Variants in PROS1 observed in about 807,000 individuals in gnomAD.
PROS1 encodes the protein protein S, also known as vitamin K-dependent protein S.
In PROS1, 29 loss-of-function variants were observed where a neutral mutation model predicts 75.9. That is an observed-to-expected ratio of 0.38 (90% confidence interval 0.28 to 0.52). The LOEUF is 0.52. Ranked by LOEUF, PROS1 falls within the 20% of genes least tolerant of loss-of-function variation. PROS1 has a pLI of 0.83. For missense variants in PROS1, 680 were observed against 810.3 expected, an observed-to-expected ratio of 0.84 and a Z score of 1.95; for synonymous variants, 245 against 280.6, an observed-to-expected ratio of 0.87 and a Z score of 1.27.
chr3:93,902,775 A>G (rs1708616326), intron 6 of PROS1, among the ~76,000 whole-genome samples: 1 of 151,912 alleles, frequency 6.6e-6, no homozygotes, highest in Admixed American at 6.6e-5. Flanking sequence ...GAAGAAGAAG[A>G]AAAGAAAAGT....
chr3:93,937,688 G>A (rs929123376), intron 1 of PROS1, among the ~76,000 whole-genome samples: 2 of 152,132 alleles, frequency 1.3e-5, no homozygotes, highest in African/African-American at 4.8e-5. Flanking sequence ...TTAACCACTA[G>A]GTTTAGGCCA....
intron 13 of PROS1, among the ~76,000 whole-genome samples, chr3:93,877,408 C>T (rs915079932): frequency 2.6e-5 from 4 of 152,050 alleles, no homozygotes; most frequent in Non-Finnish European, 4.4e-5. Context: ...TTTACAAACT[C>T]AAAGTTTAGC....
intron 3 of PROS1, among the ~76,000 whole-genome samples, chr3:93,914,625 C>T (rs767521951): frequency 3.9e-5 from 6 of 152,114 alleles, no homozygotes; most frequent in Admixed American, 2.0e-4. Context: ...TGAGGTCTTT[C>T]GCCCATTGTT....
intron 3 of PROS1, among the ~76,000 whole-genome samples, chr3:93,915,271 G>A (rs1708827184): frequency 1.3e-5 from 2 of 152,136 alleles, no homozygotes; most frequent in Non-Finnish European, 2.9e-5. Context: ...GTTTGAGGCT[G>A]CCTGGCAAAC....
chr3:93,953,347 C>T (rs1374495151), intron 1 of PROS1, among the ~76,000 whole-genome samples: 5 of 152,102 alleles, frequency 3.3e-5, no homozygotes, highest in Admixed American at 6.5e-5. Flanking sequence ...ACTGGCAAAC[C>T]GAATCCAGCA....
At chr3:93,968,286 G>A (rs1709820384) in intron 1 of PROS1, among the ~76,000 whole-genome samples, 1 of 152,102 alleles carries the variant, frequency 6.6e-6, no homozygotes, top group South Asian at 2.1e-4. Context: ...GGGGAAATGT[G>A]GGCACAGAGA....
intron 1 of PROS1, among the ~76,000 whole-genome samples, chr3:93,937,561 G>A (rs1265122453): frequency 1.3e-5 from 2 of 151,964 alleles, no homozygotes; most frequent in Non-Finnish European, 2.9e-5. Context: ...TAGAGACAGG[G>A]TTTCACCATG....
chr3:93,941,531 T>A (rs2107225952), intron 1 of PROS1, among the ~76,000 whole-genome samples: 1 of 152,302 alleles, frequency 6.6e-6, no homozygotes, highest in South Asian at 2.1e-4. Context: ...AAAAGGAAAT[T>A]TAGCTGACCC....
intron 1 of PROS1, among the ~76,000 whole-genome samples, chr3:93,953,297 T>C (rs1709537105): frequency 6.6e-6 from 1 of 152,156 alleles, no homozygotes; most frequent in African/African-American, 2.4e-5. Flanking sequence ...TGTAGACCAA[T>C]ATCCCTGATG....
chr3:93,879,161 A>G lies in PROS1; in HGVS notation c.1644+2T>C. The stretch of plus-strand genomic sequence containing the variant: ...GCTTATATAGGTTTAGAGTTAAGTT[A>G]CCTGTGATTTTTCAGAGGTGGAGTC... On this transcript the variant is annotated splice_donor_variant, in intron 13 of 14. Coordinates refer to ENST00000394236, the MANE Select transcript of PROS1 (RefSeq NM_000313.4). LOFTEE classifies it high-confidence loss of function. The G allele has an allele frequency of 6.2e-7, 1 of 1,613,778 alleles. No homozygotes were observed. Among genetic ancestry groups the G allele is most frequent in the Non-Finnish European group, 8.5e-7 (1 of 1,179,744 alleles).
intron 3 of PROS1, among the ~76,000 whole-genome samples, chr3:93,923,874 C>A (rs1356620747): frequency 6.6e-6 from 1 of 151,772 alleles, no homozygotes; most frequent in Admixed American, 6.6e-5. Flanking sequence ...AGCACTCCAG[C>A]CTGGGTGACA....
intron 8 of PROS1, among the ~76,000 whole-genome samples, chr3:93,897,617 T>A (rs1311684103): frequency 1.3e-5 from 2 of 152,066 alleles, no homozygotes; most frequent in Non-Finnish European, 2.9e-5. Flanking sequence ...GGTTGCATAT[T>A]ATTGAATGTG....
chr3:93,916,457 C>T (rs1708850449), intron 3 of PROS1, among the ~76,000 whole-genome samples: 1 of 152,076 alleles, frequency 6.6e-6, no homozygotes. Flanking sequence ...TATATAGAAG[C>T]CTACATTAAT....
chr3:93,939,951 T>A (rs1475203323), intron 1 of PROS1, among the ~76,000 whole-genome samples: 6 of 152,208 alleles, frequency 3.9e-5, no homozygotes, highest in African/African-American at 1.4e-4. Flanking sequence ...TATTTCTGAG[T>A]TGCAATTCCT....
chr3:93,930,051 C>G (rs1709082697), intron 1 of PROS1, among the ~76,000 whole-genome samples: 1 of 152,126 alleles, frequency 6.6e-6, no homozygotes, highest in South Asian at 2.1e-4. Context: ...AAAAATCTTT[C>G]AAGAGTGAAG....
intron 1 of PROS1, among the ~76,000 whole-genome samples, chr3:93,936,073 A>C (rs2107217028): frequency 6.6e-6 from 1 of 151,704 alleles, no homozygotes; most frequent in East Asian, 1.9e-4. Flanking sequence ...TTATGGACTG[A>C]ATGTGTCCCC....
chr3:93,966,649 C>A (rs1334894551), intron 1 of PROS1, among the ~76,000 whole-genome samples: 2 of 152,000 alleles, frequency 1.3e-5, no homozygotes, highest in Non-Finnish European at 2.9e-5. Context: ...GAGGCCAAGG[C>A]GGGTGGATCA....
intron 1 of PROS1, among the ~76,000 whole-genome samples, chr3:93,971,558 G>A (rs13074114): frequency 0.08 from 12,037 of 151,146 alleles, 594 homozygotes; most frequent in Middle Eastern, 0.19. Context: ...TTGAACCCTG[G>A]AGTTCAAGAC....
At chr3:93,889,595 G>A (rs761425872) in intron 10 of PROS1, among the ~76,000 whole-genome samples, 9 of 152,156 alleles carry the variant, frequency 5.9e-5, no homozygotes, top group Non-Finnish European at 1.3e-4. Flanking sequence ...TCTAGAGCAA[G>A]GAAAATCTCT....
Sources: gnomAD v4.1 joint callset for allele counts (sites outside exome capture counted in the v4.1 genomes callset) on GRCh38, gnomAD v4.1.1 for gene constraint, MANE v1.5 for transcripts, NCBI Gene and HGNC (gene_info 2026-07-23, HGNC 2026-07-21) for gene names.